Variants in CTNNA2 observed in about 807,000 individuals in gnomAD.
The protein encoded by CTNNA2 is catenin alpha 2.
CTNNA2 carries 42 observed loss-of-function variants against 101.0 expected under a neutral mutation model. The ratio of observed to expected loss-of-function variants is 0.42; its 90% CI spans 0.32 to 0.54. CTNNA2 has a LOEUF of 0.54. CTNNA2 is among the 20% of genes least tolerant of loss of function. The pLI is 0.14. For synonymous variants in CTNNA2, 450 were observed against 456.4 expected, an observed-to-expected ratio of 0.99 and a Z score of 0.18; for missense variants, 871 against 1,223.1, an observed-to-expected ratio of 0.71 and a Z score of 4.29.
intron 7 of CTNNA2, among the ~76,000 whole-genome samples, chr2:80,131,071 G>A (rs937227375): frequency 5.3e-5 from 8 of 151,592 alleles, no homozygotes; most frequent in African/African-American, 1.9e-4. Context: ...TTGTTTGTTT[G>A]TTTTGAGACA....
intron 7 of CTNNA2, among the ~76,000 whole-genome samples, chr2:80,331,456 T>C (rs1344274765): frequency 6.6e-6 from 1 of 152,116 alleles, no homozygotes; most frequent in African/African-American, 2.4e-5. Context: ...GGGTTGCACA[T>C]CAAAGCACTA....
chr2:80,545,094 T>TTTCA lies in CTNNA2; in HGVS notation c.1383+21_1383+24dup, dbSNP rs1202759464. The TTTCA allele has an allele frequency of 1.2e-6, 2 of 1,612,012 alleles. No individual in the cohort carries two copies. The highest frequency in any genetic ancestry group is 1.7e-6 in the Non-Finnish European group (2 of 1,178,938). ...CCCCAGGTAAGCCTCATTCACTTTG[T>TTTCA]TTCAAAAGCCTGTCAGTGACCTTCT... On this transcript the variant is annotated intron_variant, in intron 10 of 18. Transcript: ENST00000402739.
intron 8 of CTNNA2, among the ~76,000 whole-genome samples, chr2:80,410,854 G>T (rs1024371140): frequency 3.9e-5 from 6 of 152,146 alleles, no homozygotes; most frequent in Non-Finnish European, 8.8e-5. Flanking sequence ...TCCACTTTTG[G>T]ATATGCCTGT....
chr2:80,344,650 A>G (rs1293231034), intron 7 of CTNNA2, among the ~76,000 whole-genome samples: 1 of 152,006 alleles, frequency 6.6e-6, no homozygotes, highest in African/African-American at 2.4e-5. Context: ...ACGCCCAGCT[A>G]TCTTTTTGTA....
intron 7 of CTNNA2, among the ~76,000 whole-genome samples, chr2:80,136,120 C>T (rs1392339643): frequency 6.6e-6 from 1 of 152,108 alleles, no homozygotes; most frequent in Non-Finnish European, 1.5e-5. Flanking sequence ...GTAGTTGCAG[C>T]ATTTAGATGA....
intron 2 of CTNNA2, among the ~76,000 whole-genome samples, chr2:79,662,888 C>T (rs1682135787): frequency 6.6e-6 from 1 of 152,138 alleles, no homozygotes; most frequent in Admixed American, 6.5e-5. Flanking sequence ...GGATTTATTT[C>T]CTCCCCCATT....
At chr2:79,469,086 A>C (rs1008432995) in intron 4 of CTNNA2, among the ~76,000 whole-genome samples, 3 of 152,166 alleles carry the variant, frequency 2.0e-5, no homozygotes, top group Admixed American at 1.3e-4. Context: ...CAATGAATCC[A>C]GGAGCTGGTT....
intron 1 of CTNNA2, among the ~76,000 whole-genome samples, chr2:79,644,167 A>G (rs973019546): frequency 1.3e-5 from 2 of 152,100 alleles, no homozygotes; most frequent in Admixed American, 6.5e-5. Context: ...CCTCCCGAGT[A>G]GCTGGGATCA....
chr2:79,491,319 C>T (rs1317786531), intron 4 of CTNNA2, among the ~76,000 whole-genome samples: 1 of 152,186 alleles, frequency 6.6e-6, no homozygotes, highest in Non-Finnish European at 1.5e-5. Flanking sequence ...TCTTCTGCTA[C>T]TCCAGGACTC....
At chr2:80,043,808 A>G (rs1696341366) in intron 7 of CTNNA2, among the ~76,000 whole-genome samples, 1 of 152,234 alleles carries the variant, frequency 6.6e-6, no homozygotes, top group Admixed American at 6.5e-5. Context: ...CAATGTATCC[A>G]GAGAAGTGAG....
intron 16 of CTNNA2, 22 bp downstream of exon 16, chr2:80,604,201 G>A: frequency 6.3e-7 from 1 of 1,593,428 alleles, no homozygotes; most frequent in East Asian, 2.2e-5. Context: ...GGGAAGGGTG[G>A]GCACATGCTG....
chr2:80,147,119 T>C (rs79590695), intron 7 of CTNNA2, among the ~76,000 whole-genome samples: 1 of 151,710 alleles, frequency 6.6e-6, no homozygotes, highest in Admixed American at 6.6e-5. Flanking sequence ...GCACACACCA[T>C]CATGCCTGGC....
intron 8 of CTNNA2, among the ~76,000 whole-genome samples, chr2:80,415,377 G>A (rs960829061): frequency 2.0e-5 from 3 of 152,058 alleles, no homozygotes; most frequent in Admixed American, 6.6e-5. Flanking sequence ...CAGGGTGCCT[G>A]GAGTCAGCCC....
At chr2:79,325,838 G>A (rs1251579733) in intron 3 of CTNNA2, among the ~76,000 whole-genome samples, 1 of 152,154 alleles carries the variant, frequency 6.6e-6, no homozygotes, top group East Asian at 1.9e-4. Context: ...TTCTAAACCA[G>A]TGGCATTTTG....
chr2:80,497,490 C>T (rs557299380), intron 9 of CTNNA2, among the ~76,000 whole-genome samples: 6 of 152,172 alleles, frequency 3.9e-5, no homozygotes, highest in South Asian at 2.1e-4. Context: ...GGGAATATCA[C>T]GTAGAATTCC....
chr2:80,501,383 T>G (rs1559161426), intron 9 of CTNNA2, among the ~76,000 whole-genome samples: 1 of 152,198 alleles, frequency 6.6e-6, no homozygotes, highest in Non-Finnish European at 1.5e-5. Context: ...TGACATTGTA[T>G]TACTAACAAA....
chr2:79,819,036 G>A (rs1194295579), intron 3 of CTNNA2, among the ~76,000 whole-genome samples: 1 of 149,114 alleles, frequency 6.7e-6, no homozygotes, highest in Non-Finnish European at 1.5e-5. Flanking sequence ...CTGGAGTGTA[G>A]TGGTATGATC....
intron 7 of CTNNA2, 151 bp downstream of exon 7, chr2:79,909,948 G>T (rs1436919186): frequency 2.7e-6 from 2 of 729,588 alleles, no homozygotes; most frequent in East Asian, 6.2e-5. Context: ...TTGGGAGAGC[G>T]CGTGTCGTGT....
At chr2:79,832,448 A>C (rs1397035024) in intron 3 of CTNNA2, among the ~76,000 whole-genome samples, 1 of 152,184 alleles carries the variant, frequency 6.6e-6, no homozygotes, top group Non-Finnish European at 1.5e-5. Context: ...TCTTGGGGCA[A>C]TTAAATTACA....
Sources: gnomAD v4.1 joint callset for allele counts (sites outside exome capture counted in the v4.1 genomes callset) on GRCh38, gnomAD v4.1.1 for gene constraint, MANE v1.5 for transcripts, NCBI Gene and HGNC (gene_info 2026-07-23, HGNC 2026-07-21) for gene names.